MARCHF1: variants seen among roughly 807,000 people sequenced by gnomAD.
MARCHF1 encodes the protein membrane associated ring-CH-type finger 1.
MARCHF1 carries 40 observed loss-of-function variants against 54.2 expected under a neutral mutation model. That is an observed-to-expected ratio of 0.74 (90% CI 0.57 to 0.96). MARCHF1 has a LOEUF of 0.96. MARCHF1 is among the 40% of genes least tolerant of loss of function. The probability of loss-of-function intolerance (pLI) is 0.00; values close to 1 mark genes in which losing one functional copy is unlikely to be tolerated. For synonymous variants in MARCHF1, 236 were observed against 236.3 expected (o/e 1.00, Z 0.01); for missense variants, 586 against 656.5 (o/e 0.89, Z 1.17).
intron 1 of MARCHF1, among the ~76,000 whole-genome samples, chr4:164,175,927 A>G (rs576618175): frequency 6.6e-6 from 1 of 152,172 alleles, no homozygotes; most frequent in African/African-American, 2.4e-5. Flanking sequence ...ATCTTTTCTA[A>G]ATTGTTTCTA....
chr4:163,803,997 T>C (rs1158684611), intron 4 of MARCHF1, among the ~76,000 whole-genome samples: 1 of 152,308 alleles, frequency 6.6e-6, no homozygotes, highest in South Asian at 2.1e-4. Flanking sequence ...TTTCGCAGTA[T>C]ACCCTTTCTT....
intron 5 of MARCHF1, among the ~76,000 whole-genome samples, chr4:163,616,040 T>C (rs995039904): frequency 3.9e-5 from 6 of 152,178 alleles, no homozygotes; most frequent in Non-Finnish European, 1.5e-5. Context: ...ACTAGACTTC[T>C]ATCTTTCACT....
At chr4:163,707,915 G>A (rs1744996727) in intron 4 of MARCHF1, among the ~76,000 whole-genome samples, 1 of 151,138 alleles carries the variant, frequency 6.6e-6, no homozygotes, top group Admixed American at 6.6e-5. Flanking sequence ...CTACTTTTCT[G>A]TTGTGCCATC....
chr4:164,179,859 G>A (rs1730787168), intron 1 of MARCHF1, among the ~76,000 whole-genome samples: 1 of 151,088 alleles, frequency 6.6e-6, no homozygotes, highest in Non-Finnish European at 1.5e-5. Flanking sequence ...ATACTGAGAA[G>A]AAAATTTTGC....
chr4:164,283,120 T>C (rs1172357119), intron 1 of MARCHF1, among the ~76,000 whole-genome samples: 1 of 151,184 alleles, frequency 6.6e-6, no homozygotes, highest in East Asian at 2.0e-4. Context: ...TACCAATCCT[T>C]ACTACATCCC....
chr4:164,319,481 C>G (rs1300423744), intron 1 of MARCHF1, among the ~76,000 whole-genome samples: 3 of 152,016 alleles, frequency 2.0e-5, no homozygotes, highest in Admixed American at 6.6e-5. Context: ...CCAAACTGTG[C>G]TGCATGTAAT....
chr4:163,600,995 T>C (rs952566401), intron 7 of MARCHF1, among the ~76,000 whole-genome samples: 1 of 152,224 alleles, frequency 6.6e-6, no homozygotes, highest in African/African-American at 2.4e-5. Context: ...AGGAAGATAC[T>C]GTGCTGTGTT....
downstream of MARCHF1, chr4:163,524,370 A>G (rs1336296323): frequency 1.3e-5 from 2 of 152,160 alleles, no homozygotes; most frequent in Admixed American, 1.3e-4. Context: ...TTTATTATCC[A>G]TGCAATTATC....
intron 9 of MARCHF1, 23 bp from the exon 10 acceptor site, chr4:163,529,069 T>A: frequency 6.4e-7 from 1 of 1,571,590 alleles, no homozygotes; most frequent in Non-Finnish European, 8.6e-7. Flanking sequence ...AAAGAGAAAA[T>A]GTTATCACCA....
At chr4:163,700,201 A>G (rs972840717) in intron 5 of MARCHF1, among the ~76,000 whole-genome samples, 15 of 152,224 alleles carry the variant, frequency 9.9e-5, no homozygotes, top group Middle Eastern at 3.4e-3. Flanking sequence ...CATACTTTAC[A>G]TAATACTATG....
At chr4:163,554,754 G>A (rs888868062) in intron 8 of MARCHF1, among the ~76,000 whole-genome samples, 3 of 152,164 alleles carry the variant, frequency 2.0e-5, no homozygotes, top group Middle Eastern at 3.2e-3. Flanking sequence ...TCTAAAAATA[G>A]TGTGACCAGT....
chr4:164,294,610 A>G, intron 1 of MARCHF1, among the ~76,000 whole-genome samples: 1 of 152,174 alleles, frequency 6.6e-6, no homozygotes, highest in African/African-American at 2.4e-5. Context: ...AATCTTGTCA[A>G]TCAAGAATAT....
intron 3 of MARCHF1, among the ~76,000 whole-genome samples, chr4:163,964,073 G>C: frequency 6.6e-6 from 1 of 152,000 alleles, no homozygotes; most frequent in South Asian, 2.1e-4. Flanking sequence ...CCCAGAGCTC[G>C]AACAGGGTAA....
chr4:164,172,137 G>A (rs777957984), intron 1 of MARCHF1, among the ~76,000 whole-genome samples: 4 of 152,016 alleles, frequency 2.6e-5, no homozygotes, highest in Non-Finnish European at 4.4e-5. Flanking sequence ...ATTTTCTCTA[G>A]TCTATAAGAG....
intron 3 of MARCHF1, among the ~76,000 whole-genome samples, chr4:163,941,786 T>C (rs887887695): frequency 6.6e-5 from 10 of 152,142 alleles, no homozygotes; most frequent in African/African-American, 2.2e-4. Flanking sequence ...ATTAAAGCAT[T>C]CAACATATGG....
At chr4:163,573,365 G>C (rs1739909447) in intron 8 of MARCHF1, among the ~76,000 whole-genome samples, 1 of 150,616 alleles carries the variant, frequency 6.6e-6, no homozygotes, top group African/African-American at 2.4e-5. Context: ...ACAATGTGCA[G>C]GTTAGTTACA....
intron 4 of MARCHF1, among the ~76,000 whole-genome samples, chr4:163,710,086 C>A (rs1745062808): frequency 6.6e-6 from 1 of 152,050 alleles, no homozygotes; most frequent in South Asian, 2.1e-4. Flanking sequence ...AATGGGTAAA[C>A]TTGCTAATCT....
chr4:164,252,679 T>G (rs1360788635), intron 1 of MARCHF1, among the ~76,000 whole-genome samples: 1 of 152,138 alleles, frequency 6.6e-6, no homozygotes, highest in Admixed American at 6.6e-5. Context: ...AATCAATCAA[T>G]TATTTACTTT....
At chr4:163,793,065 C>T (rs991208165) in intron 4 of MARCHF1, among the ~76,000 whole-genome samples, 1 of 152,086 alleles carries the variant, frequency 6.6e-6, no homozygotes, top group African/African-American at 2.4e-5. Flanking sequence ...ATATAGCAGA[C>T]GTTAAATAAC....
Sources: gnomAD v4.1 joint callset for allele counts (sites outside exome capture counted in the v4.1 genomes callset) on GRCh38, gnomAD v4.1.1 for gene constraint, MANE v1.5 for transcripts, NCBI Gene and HGNC (gene_info 2026-07-23, HGNC 2026-07-21) for gene names.